Variants in DYNC2H1 observed in about 807,000 individuals in gnomAD.
DYNC2H1 encodes the protein dynein cytoplasmic 2 heavy chain 1, also known as cytoplasmic dynein 2 heavy chain 1.
In DYNC2H1, 410 loss-of-function variants were observed where a neutral mutation model predicts 570.0. That is an observed-to-expected ratio of 0.72 (90% confidence interval 0.66 to 0.78). DYNC2H1 has a LOEUF of 0.78. Ranked by LOEUF, DYNC2H1 falls within the 30% of genes least tolerant of loss-of-function variation. DYNC2H1 has a pLI of 0.00. For synonymous variants in DYNC2H1, 1,688 were observed against 1,677.6 expected, an observed-to-expected ratio of 1.01 and a Z score of -0.15; for missense variants, 4,865 against 5,046.4, an observed-to-expected ratio of 0.96 and a Z score of 1.09.
rs960186285 is a variant in DYNC2H1, at chr11:103,134,409, T to C, written c.2195T>C (p.Val732Ala). The change falls in exon 15 of 89, where the codon GTA becomes GCA. Residue 732 changes from valine (V) to alanine (A), a missense_variant. Transcript: ENST00000375735. The stretch of plus-strand genomic sequence containing the variant: ...GAATTGAGAACTGGCTTAGCAACTG[T>C]AGAAGCACAGGTAGAGTATGTTTTA... ...LQELRTGLAT[V>A]EAQGFQASDM... is the part of the protein sequence containing the mutation. 1 of 1,610,120 alleles carries C rather than the reference T, an allele frequency of 6.2e-7. No homozygotes were observed. The highest frequency in any genetic ancestry group is 1.3e-5 in the African/African-American group (1 of 74,844).
chr11:103,230,524 C>A (rs1197412513), intron 59 of DYNC2H1, among the ~76,000 whole-genome samples: 2 of 152,110 alleles, frequency 1.3e-5, no homozygotes. Context: ...GTTTTATTAG[C>A]GGTAGTCAGC....
chr11:103,260,114 T>A, intron 70 of DYNC2H1, 137 bp downstream of exon 70: 1 of 498,262 alleles, frequency 2.0e-6, no homozygotes, highest in Non-Finnish European at 3.3e-6. Flanking sequence ...CCAGAACATT[T>A]AACTGGAATG....
rs926295058 is a variant in DYNC2H1, at chr11:103,319,443, C to A, written c.11726-1586C>A. Among the ~76,000 whole-genome samples the A allele has an allele frequency of 1.3e-5, 2 of 152,082 alleles. No homozygotes were observed. The highest frequency in any genetic ancestry group is 4.8e-5 in the African/African-American group (2 of 41,436). On this transcript the variant is annotated intron_variant, in intron 80 of 88. Coordinates refer to ENST00000375735, the MANE Select transcript of DYNC2H1 (RefSeq NM_001377.3). The surrounding 1 kb of genome is among the most constrained non-coding windows in gnomAD (Gnocchi z 4.3). Reference sequence around the variant, plus strand: ...AATCTTTAAGCCTGAGTTTCCTGATCTTTAAATTAGGAATGATAGTAGACA... The same window carrying A: ...AATCTTTAAGCCTGAGTTTCCTGATATTTAAATTAGGAATGATAGTAGACA...
chr11:103,378,365 G>C (rs1941487339), intron 83 of DYNC2H1, among the ~76,000 whole-genome samples: 1 of 152,080 alleles, frequency 6.6e-6, no homozygotes, highest in Admixed American at 6.6e-5. Context: ...TGTGGGACTG[G>C]CTGCCTTACT....
At chr11:103,379,860 G>A (rs2671386) in intron 83 of DYNC2H1, among the ~76,000 whole-genome samples, 74,365 of 151,910 alleles carry the variant, frequency 0.49, 18,504 homozygotes, top group Non-Finnish European at 0.55. Context: ...CCCCTTCTGT[G>A]TTTCTAGTAC....
chr11:103,381,606 G>A (rs1941651604), intron 83 of DYNC2H1, among the ~76,000 whole-genome samples: 1 of 152,014 alleles, frequency 6.6e-6, no homozygotes, highest in African/African-American at 2.4e-5. Flanking sequence ...CTGCCACCAC[G>A]CCTGGCTAAT....
At chr11:103,288,684 T>TTAAAAAAAAAAAAAA (rs1401919829) in intron 75 of DYNC2H1, among the ~76,000 whole-genome samples, 1 of 27,904 alleles carries the variant, frequency 3.6e-5, no homozygotes, top group Non-Finnish European at 6.0e-5. Flanking sequence ...CCGTCTCTAC[T>TTAAAAAAAAAAAAAA]AAAAAAAAAA....
At chr11:103,445,465 A>G (rs1944390939) in intron 85 of DYNC2H1, among the ~76,000 whole-genome samples, 1 of 152,116 alleles carries the variant, frequency 6.6e-6, no homozygotes, top group Non-Finnish European at 1.5e-5. Context: ...CTTGCTTCGG[A>G]AAAAAAGAGG....
At position 103,280,226 on chromosome 11, in the gene DYNC2H1, C is replaced by T. The variant is rs1866075914; in HGVS notation, c.10696-122C>T. 8.9e-6 allele frequency: 8 copies of T among 899,828 alleles called. No individual in the cohort carries two copies. Among genetic ancestry groups the T allele is most frequent in the South Asian group, 4.9e-5 (3 of 61,524 alleles). 55.7% of individuals were successfully genotyped at this position (899,828 alleles called of 1,614,324 possible). A position where few individuals can be genotyped will look rare whatever the true frequency, so the allele number is the denominator to read the frequency against. Reference sequence around the variant, plus strand: ...CAATCTGAATAGTAATTTCTTACATCGATAAAAAAGTAGGTCATATGAAGA... The same window carrying T: ...CAATCTGAATAGTAATTTCTTACATTGATAAAAAAGTAGGTCATATGAAGA... On this transcript the variant is annotated intron_variant, in intron 70 of 88. Coordinates refer to ENST00000375735, the MANE Select transcript of DYNC2H1 (RefSeq NM_001377.3). The surrounding 1 kb of genome is among the most constrained non-coding windows in gnomAD (Gnocchi z 4.7).
chr11:103,350,526 AT>A (rs1275475238), intron 82 of DYNC2H1, among the ~76,000 whole-genome samples: 1 of 152,064 alleles, frequency 6.6e-6, no homozygotes, highest in Middle Eastern at 3.2e-3. Flanking sequence ...TTATTATGAT[AT>A]TTGCTTCATT....
chr11:103,166,147 G>C, intron 31 of DYNC2H1, 99 bp downstream of exon 31: 1 of 954,200 alleles, frequency 1.0e-6, no homozygotes, highest in Non-Finnish European at 1.4e-6. Flanking sequence ...ATCTGTGTTG[G>C]TGATTACTCG....
Position 103,369,706 on chromosome 11 carries a change from C to T in DYNC2H1, c.12156+11347C>T, listed in dbSNP as rs1941065504. 6.6e-6 allele frequency among the ~76,000 whole-genome samples: 1 copy of T among 152,214 alleles called. No individual in the cohort carries two copies. Among genetic ancestry groups the T allele is most frequent in the African/African-American group, 2.4e-5 (1 of 41,448 alleles). ...CTCCCGGGCAACATTCGTAGACACT[C>T]ACTGCATCAGAAAGCAACCTGCTGC... On this transcript the variant is annotated intron_variant, in intron 83 of 88. Transcript: ENST00000375735. This position sits in a 1 kb window ranked among gnomAD's most constrained non-coding sequence, Gnocchi z 4.0.
intron 40 of DYNC2H1, among the ~76,000 whole-genome samples, chr11:103,183,211 T>C (rs1200737949): frequency 1.3e-5 from 2 of 151,900 alleles, no homozygotes; most frequent in Non-Finnish European, 1.5e-5. Context: ...ATGCCTACAT[T>C]GTGACACCTT....
At chr11:103,155,295 A>G (rs1276943922) in intron 24 of DYNC2H1, 36 bp from the exon 25 acceptor site, 1 of 1,553,388 alleles carries the variant, frequency 6.4e-7, no homozygotes, top group Non-Finnish European at 8.6e-7. Context: ...GTATATGTGT[A>G]TACATATGAC....
chr11:103,119,792 G>A (rs967531985), intron 6 of DYNC2H1, among the ~76,000 whole-genome samples: 1 of 152,192 alleles, frequency 6.6e-6, no homozygotes, highest in Non-Finnish European at 1.5e-5. Flanking sequence ...TGTAGGGGAA[G>A]TGCTGTTACT....
In DYNC2H1 at chr11:103,451,324, C is replaced by CTTTTTTTTTTTTT. The variant is rs34032894; in HGVS notation, c.12457-3847_12457-3835dup. ...AGAAATGAATCACTGAGTAAAAGGG[C>CTTTTTTTTTTTTT]TTTTTTTTTTTTTTTTTTTTTTTTT... On this transcript the variant is annotated intron_variant, in intron 85 of 88. Coordinates refer to ENST00000375735, the MANE Select transcript of DYNC2H1 (RefSeq NM_001377.3). Among the ~76,000 whole-genome samples the CTTTTTTTTTTTTT allele has an allele frequency of 6.9e-4, 49 of 71,034 alleles. 2 individuals carry two copies. Among genetic ancestry groups the CTTTTTTTTTTTTT allele is most frequent in the African/African-American group, 2.8e-3 (41 of 14,836 alleles). 46.6% of individuals were successfully genotyped at this position (71,034 alleles called of 152,430 possible). A position where few individuals can be genotyped will look rare whatever the true frequency, so the allele number is the denominator to read the frequency against.
At position 103,209,760 on chromosome 11, in the gene DYNC2H1, T is replaced by C; in HGVS notation, c.8455-116T>C. 2 of 756,062 alleles carry C rather than the reference T, an allele frequency of 2.6e-6. No homozygotes were observed. The highest frequency in any genetic ancestry group is 3.7e-6 in the Non-Finnish European group (2 of 542,436). 46.8% of individuals were successfully genotyped at this position (756,062 alleles called of 1,614,324 possible). On this transcript the variant is annotated intron_variant, in intron 52 of 88. Coordinates refer to ENST00000375735, the MANE Select transcript of DYNC2H1 (RefSeq NM_001377.3). This position sits in a 1 kb window ranked among gnomAD's most constrained non-coding sequence, Gnocchi z 4.2. ...TCTGTATTATTTTTGTCTCTTAGTC[T>C]GGAATGAATCCTAGAAGAAAAGTAC...
Position 103,363,221 on chromosome 11 carries a change from A to G in DYNC2H1, c.12156+4862A>G, listed in dbSNP as rs1465249104. Among the ~76,000 whole-genome samples the G allele has an allele frequency of 1.3e-5, 2 of 152,122 alleles. No individual in the cohort carries two copies. The highest frequency in any genetic ancestry group is 4.8e-5 in the African/African-American group (2 of 41,430). On this transcript the variant is annotated intron_variant, in intron 83 of 88. Coordinates refer to ENST00000375735, the MANE Select transcript of DYNC2H1 (RefSeq NM_001377.3). This position sits in a 1 kb window ranked among gnomAD's most constrained non-coding sequence, Gnocchi z 5.6. ...ACATCAGAGGTAAATGTGCAAGAAT[A>G]CTTTAATTATTTTGAAGTAGTTTTC...
chr11:103,456,195 AG>A lies in DYNC2H1; in HGVS notation c.12567-78del, dbSNP rs1240433344. The stretch of plus-strand genomic sequence containing the variant: ...GTAAATATTTTAATTTTAAATAAAT[AG>A]GACTATATCTTCAGTTACTCTTCAT... On this transcript the variant is annotated intron_variant, in intron 86 of 88. Transcript: ENST00000375735. 1.0e-3 allele frequency: 1,031 copies of A among 1,012,488 alleles called. 7 individuals are homozygous for A. In the African/African-American group the frequency reaches 0.015, roughly 15 times the overall value. The allele number at this position is 1,012,488 out of a possible 1,614,324, so 62.7% of individuals were successfully genotyped here. A position where few individuals can be genotyped will look rare whatever the true frequency, so the allele number is the denominator to read the frequency against.
Sources: gnomAD v4.1 joint callset for allele counts (sites outside exome capture counted in the v4.1 genomes callset) on GRCh38, gnomAD v4.1.1 for gene constraint, Gnocchi (gnomAD v3.1) non-coding constraint, MANE v1.5 for transcripts, NCBI Gene and HGNC (gene_info 2026-07-23, HGNC 2026-07-21) for gene names.